The following MCTP2 variants were observed in gnomAD, a reference collection of about 807,000 sequenced individuals.
The protein encoded by MCTP2 is multiple C2 and transmembrane domain containing 2.
In MCTP2, 132 loss-of-function variants were observed where a neutral mutation model predicts 111.6. That is an observed-to-expected ratio of 1.18 (90% CI 1.03 to 1.37). The LOEUF (loss-of-function observed/expected upper bound fraction) is 1.37, where lower values mean the gene tolerates loss of function less well. Ranked by LOEUF, MCTP2 falls within the 40% of genes most tolerant of loss-of-function variation. The pLI, the probability that MCTP2 is intolerant of heterozygous loss-of-function variation, is 0.00. For missense variants in MCTP2, 1,183 were observed against 1,067.9 expected (o/e 1.11, Z -1.50); for synonymous variants, 395 against 387.7 (o/e 1.02, Z -0.22).
chr15:94,289,219 T>C (rs1011106297), intron 1 of MCTP2, among the ~76,000 whole-genome samples: 6 of 152,074 alleles, frequency 3.9e-5, no homozygotes, highest in African/African-American at 1.4e-4. Flanking sequence ...CTTAAAAAAA[T>C]ATTGAAGTCA....
chr15:94,259,502 ACT>A lies in MCTP2; in HGVS notation c.-66+27841_-66+27842del, dbSNP rs2073051340. Among the ~76,000 whole-genome samples, 4 of 152,060 alleles carry A rather than the reference ACT, an allele frequency of 2.6e-5. No homozygotes were observed. In the South Asian group the frequency reaches 6.2e-4, roughly 24 times the overall value. ...AATCCTTACCAGGGTTTGGTAGCAA[ACT>A]CTGACTTGGACTCTTGTGTAACTAT... On this transcript the variant is annotated intron_variant, in intron 1 of 22. Transcript: ENST00000357742.
chr15:94,361,475 A>G (rs1229110666), intron 10 of MCTP2, among the ~76,000 whole-genome samples: 1 of 152,104 alleles, frequency 6.6e-6, no homozygotes, highest in Non-Finnish European at 1.5e-5. Context: ...CTGGCTCTGT[A>G]TCTGTATAAT....
chr15:94,275,468 T>A (rs1351126966), intron 1 of MCTP2, among the ~76,000 whole-genome samples: 1 of 152,188 alleles, frequency 6.6e-6, no homozygotes, highest in Non-Finnish European at 1.5e-5. Context: ...AAATTAAAAA[T>A]GTCTATACTG....
At position 94,385,632 on chromosome 15, in the gene MCTP2, C is replaced by G. The variant is rs529223759; in HGVS notation, c.1788+107C>G. On this transcript the variant is annotated intron_variant, in intron 14 of 22. Transcript: ENST00000357742. ...GTCAACCTGGGGGAAAAAAATCCTC[C>G]TAACTATAGCAGGAAACGACTGTTT... 29 of 756,816 alleles carry G rather than the reference C, an allele frequency of 3.8e-5. No individual in the cohort carries two copies. In the East Asian group the frequency reaches 5.2e-4, roughly 14 times the overall value. The allele number at this position is 756,816 out of a possible 1,614,324, so 46.9% of individuals were successfully genotyped here.
chr15:94,284,790 C>G (rs771179834), intron 1 of MCTP2, among the ~76,000 whole-genome samples: 1 of 151,798 alleles, frequency 6.6e-6, no homozygotes, highest in Non-Finnish European at 1.5e-5. Flanking sequence ...GCTTATTGGC[C>G]CAGGGATCTG....
intron 14 of MCTP2, among the ~76,000 whole-genome samples, chr15:94,388,237 G>A (rs950396940): frequency 1.3e-5 from 2 of 152,188 alleles, no homozygotes; most frequent in African/African-American, 4.8e-5. Context: ...TCTCTACCTT[G>A]TAAAATAGCA....
At chr15:94,309,547 C>T (rs1391419469) in intron 2 of MCTP2, among the ~76,000 whole-genome samples, 1 of 152,146 alleles carries the variant, frequency 6.6e-6, no homozygotes, top group African/African-American at 2.4e-5. Context: ...CTTCAGACAG[C>T]CACATGGGAG....
chr15:94,317,972 T>C (rs2076449376), intron 4 of MCTP2, among the ~76,000 whole-genome samples: 1 of 152,092 alleles, frequency 6.6e-6, no homozygotes, highest in Non-Finnish European at 1.5e-5. Flanking sequence ...TACAACTGCA[T>C]CTCTTGTGTT....
intron 2 of MCTP2, among the ~76,000 whole-genome samples, chr15:94,308,919 G>T (rs61449104): frequency 0.23 from 35,471 of 152,116 alleles, 5,521 homozygotes; most frequent in African/African-American, 0.42. Flanking sequence ...TCATATGCTT[G>T]AGCAAGGTAT....
At chr15:94,259,349 A>G (rs1315060090) in intron 1 of MCTP2, among the ~76,000 whole-genome samples, 1 of 152,240 alleles carries the variant, frequency 6.6e-6, no homozygotes, top group Non-Finnish European at 1.5e-5. Flanking sequence ...GGAAGGGGAA[A>G]TTGATGTTCT....
chr15:94,245,230 ATG>A (rs535664937), intron 1 of MCTP2, among the ~76,000 whole-genome samples: 2 of 141,102 alleles, frequency 1.4e-5, no homozygotes, highest in Admixed American at 7.0e-5. Context: ...ATATATACAT[ATG>A]TATGTATATA....
chr15:94,457,615 G>C (rs2084916678), intron 19 of MCTP2, among the ~76,000 whole-genome samples: 1 of 152,170 alleles, frequency 6.6e-6, no homozygotes, highest in African/African-American at 2.4e-5. Context: ...GTTGCCAAAG[G>C]ATGGATGAAA....
At position 94,251,184 on chromosome 15, in the gene MCTP2, A is replaced by C. The variant is rs149318067; in HGVS notation, c.-66+19520A>C. On this transcript the variant is annotated intron_variant, in intron 1 of 22. Transcript: ENST00000357742. ...CACAGTGAGGACAGGACCCATGGTC[A>C]CCTGGGATTTTGACCCTGACAAATA... Among the ~76,000 whole-genome samples, 27 of 152,328 alleles carry C rather than the reference A, an allele frequency of 1.8e-4. 1 individual carries two copies. The East Asian group carries it at 5.2e-3, about 29-fold the overall frequency.
At position 94,244,782 on chromosome 15, in the gene MCTP2, A is replaced by G. The variant is rs572469488; in HGVS notation, c.-66+13118A>G. Among the ~76,000 whole-genome samples, 9 of 149,032 alleles carry G rather than the reference A, an allele frequency of 6.0e-5. 1 individual carries two copies. Among genetic ancestry groups the G allele is most frequent in the African/African-American group, 7.5e-5 (3 of 40,138 alleles). On this transcript the variant is annotated intron_variant, in intron 1 of 22. Transcript: ENST00000357742. ...TGTTTATATTCGTATATGTATACAC[A>G]TACATATGCACGTATGTTTATATAC...
chr15:94,294,848 C>T (rs970988108), intron 1 of MCTP2, among the ~76,000 whole-genome samples: 3 of 151,544 alleles, frequency 2.0e-5, no homozygotes, highest in Non-Finnish European at 2.9e-5. Flanking sequence ...TTGGGACTCA[C>T]GTTCATCTCC....
chr15:94,240,407 C>T (rs1444878194), intron 1 of MCTP2, among the ~76,000 whole-genome samples: 1 of 152,162 alleles, frequency 6.6e-6, no homozygotes, highest in East Asian at 1.9e-4. Context: ...ATTTCAATCA[C>T]TGCACTCTGT....
intron 1 of MCTP2, among the ~76,000 whole-genome samples, chr15:94,245,099 C>T (rs1250329451): frequency 2.0e-5 from 3 of 148,420 alleles, no homozygotes; most frequent in Non-Finnish European, 4.5e-5. Flanking sequence ...TACATATGTA[C>T]CTATGTTTAT....
chr15:94,458,872 T>A (rs1236035637), intron 20 of MCTP2, among the ~76,000 whole-genome samples: 1 of 152,234 alleles, frequency 6.6e-6, no homozygotes, highest in Non-Finnish European at 1.5e-5. Context: ...TGTAAATGAA[T>A]GGGTATGGTA....
chr15:94,245,068 G>C (rs1212953042), intron 1 of MCTP2, among the ~76,000 whole-genome samples: 1 of 148,234 alleles, frequency 6.7e-6, no homozygotes, highest in Non-Finnish European at 1.5e-5. Context: ...ATATGTACCT[G>C]TTTACGTATA....
Sources: gnomAD v4.1 joint callset for allele counts (sites outside exome capture counted in the v4.1 genomes callset) on GRCh38, gnomAD v4.1.1 for gene constraint, MANE v1.5 for transcripts, NCBI Gene and HGNC (gene_info 2026-07-23, HGNC 2026-07-21) for gene names.